The following DLG2 variants were observed in gnomAD, a reference collection of about 807,000 sequenced individuals.
DLG2 encodes the protein disks large homolog 2.
Under a neutral mutation model 132.5 loss-of-function variants are expected in DLG2, and 45 were observed. The ratio of observed to expected loss-of-function variants is 0.34; its 90% confidence interval spans 0.27 to 0.44. DLG2 has a LOEUF of 0.44. Ranked by LOEUF, DLG2 falls within the 20% of genes least tolerant of loss-of-function variation. DLG2 has a pLI of 1.00. For missense variants in DLG2, 1,045 were observed against 1,196.9 expected (o/e 0.87, Z 1.87); for synonymous variants, 424 against 419.6 (o/e 1.01, Z -0.13).
At chr11:84,983,354 G>C (rs2056036393) in intron 6 of DLG2, among the ~76,000 whole-genome samples, 1 of 152,094 alleles carries the variant, frequency 6.6e-6, no homozygotes, top group African/African-American at 2.4e-5. Flanking sequence ...CCAGAGCCTG[G>C]TAGACTTGCT....
At chr11:84,317,151 A>C in intron 7 of DLG2, 1 of 1,603,250 alleles carries the variant, frequency 6.2e-7, no homozygotes, top group Non-Finnish European at 8.5e-7. Context: ...TTCATACTGC[A>C]CTGATGCCTA....
In DLG2 at chr11:83,734,397, TTCCTTCCTTCCC is replaced by T. The variant is rs2091577796; in HGVS notation, c.1825+52281_1825+52292del. Among the ~76,000 whole-genome samples, 5 of 83,336 alleles carry T rather than the reference TTCCTTCCTTCCC, an allele frequency of 6.0e-5. No individual in the cohort carries two copies. In the South Asian group the frequency reaches 1.2e-3, roughly 21 times the overall value. The allele number at this position is 83,336 out of a possible 152,430, so 54.7% of individuals were successfully genotyped here. ...CTTCCTTCCTTCCTTCCTTCCTTCC[TTCCTTCCTTCCC>T]TCCCTCCTTCCCTCCCTCCTTCCTT... On this transcript the variant is annotated intron_variant, in intron 18 of 27. Transcript: ENST00000376104.
chr11:84,112,244 C>T (rs2093390622), intron 9 of DLG2, among the ~76,000 whole-genome samples: 1 of 151,742 alleles, frequency 6.6e-6, no homozygotes, highest in South Asian at 2.1e-4. Flanking sequence ...GTGATCCACC[C>T]GCCTCGGCCT....
intron 9 of DLG2, among the ~76,000 whole-genome samples, chr11:84,157,436 AT>A (rs1439737533): frequency 2.6e-5 from 4 of 152,122 alleles, no homozygotes; most frequent in Non-Finnish European, 5.9e-5. Flanking sequence ...TTTTAAAAAA[AT>A]TTTATTTTTT....
chr11:85,467,951 T>A (rs2092850525), intron 3 of DLG2, among the ~76,000 whole-genome samples: 1 of 152,180 alleles, frequency 6.6e-6, no homozygotes, highest in Non-Finnish European at 1.5e-5. Flanking sequence ...GGACTTTTTT[T>A]GGTTGGTAGG....
intron 11 of DLG2, among the ~76,000 whole-genome samples, chr11:84,046,760 T>C (rs2096250388): frequency 6.6e-6 from 1 of 151,636 alleles, no homozygotes; most frequent in African/African-American, 2.4e-5. Context: ...CCCATAGAAT[T>C]TTCCATGTTT....
intron 8 of DLG2, among the ~76,000 whole-genome samples, chr11:84,228,435 G>C (rs866185706): frequency 1.3e-5 from 2 of 152,158 alleles, no homozygotes; most frequent in African/African-American, 2.4e-5. Flanking sequence ...ACTTTAATCA[G>C]AATTTTACTC....
chr11:84,817,201 C>T (rs776761308), intron 6 of DLG2, among the ~76,000 whole-genome samples: 2 of 152,116 alleles, frequency 1.3e-5, no homozygotes, highest in African/African-American at 2.4e-5. Context: ...TTACATTGTG[C>T]AGGAACCATT....
chr11:83,467,162 A>T (rs1171592012), intron 25 of DLG2, among the ~76,000 whole-genome samples: 1 of 152,178 alleles, frequency 6.6e-6, no homozygotes, highest in Non-Finnish European at 1.5e-5. Flanking sequence ...CCATCTCTGA[A>T]CACAATTGTC....
At chr11:84,068,136 A>G (rs1447128799) in intron 10 of DLG2, among the ~76,000 whole-genome samples, 1 of 152,238 alleles carries the variant, frequency 6.6e-6, no homozygotes, top group East Asian at 1.9e-4. Flanking sequence ...TCAAAAGACT[A>G]TCTCCAAAAA....
chr11:84,138,146 C>T (rs2094683085), intron 9 of DLG2, among the ~76,000 whole-genome samples: 1 of 152,138 alleles, frequency 6.6e-6, no homozygotes, highest in South Asian at 2.1e-4. Context: ...TGTATGCAAT[C>T]TTATACTAGT....
chr11:84,332,825 G>A (rs1438688036), intron 7 of DLG2, among the ~76,000 whole-genome samples: 3 of 152,180 alleles, frequency 2.0e-5, no homozygotes, highest in African/African-American at 7.2e-5. Flanking sequence ...GGACCTTGAT[G>A]CAATGCCCAT....
At position 84,276,527 on chromosome 11, in the gene DLG2, T is replaced by C. The variant is rs191194712; in HGVS notation, c.520-25236A>G. ...GAACACAAAGATAAATGTAATATTA[T>C]GTCAATCCTCTGTTTCTTTTCTACT... is the stretch of plus-strand genomic sequence containing the variant. On this transcript the variant is annotated intron_variant, in intron 7 of 27. Coordinates refer to ENST00000376104, the MANE Select transcript of DLG2 (RefSeq NM_001142699.3). 1.7e-4 allele frequency among the ~76,000 whole-genome samples: 26 copies of C among 152,356 alleles called. No homozygotes were observed. In the East Asian group the frequency reaches 4.8e-3, roughly 28 times the overall value.
At chr11:84,388,271 C>A (rs981023508) in intron 7 of DLG2, among the ~76,000 whole-genome samples, 1 of 152,204 alleles carries the variant, frequency 6.6e-6, no homozygotes, top group South Asian at 2.1e-4. Context: ...GATCCTATTG[C>A]GTGATCTAAA....
chr11:84,746,384 A>T (rs1231288701), intron 6 of DLG2, among the ~76,000 whole-genome samples: 1 of 152,126 alleles, frequency 6.6e-6, no homozygotes. Context: ...TTACATTTGA[A>T]ATTAGCAATG....
At chr11:84,114,827 A>AT (rs11376031) in intron 9 of DLG2, among the ~76,000 whole-genome samples, 93,393 of 140,182 alleles carry the variant, frequency 0.67, 31,787 homozygotes, top group Middle Eastern at 0.8. Context: ...AAGCCTGGCT[A>AT]TTTTTTTTTT....
At chr11:84,600,290 A>G (rs1350139217) in intron 6 of DLG2, among the ~76,000 whole-genome samples, 2 of 152,104 alleles carry the variant, frequency 1.3e-5, no homozygotes, top group African/African-American at 2.4e-5. Flanking sequence ...CACAGGGAGG[A>G]GTATGAATGT....
rs1256123766 is a variant in DLG2 at position 83,459,138 on chromosome 11, C to G, written c.*680G>C. On this transcript the variant is annotated 3_prime_UTR_variant, in exon 28 of 28. Coordinates refer to ENST00000376104, the MANE Select transcript of DLG2 (RefSeq NM_001142699.3). ...AAATTATTCTCATCTTTAGTGCCTT[C>G]TTTCAGTTTATAAATGGCAAAATAG... The G allele has an allele frequency of 2.0e-5, 3 of 152,544 alleles. No individual in the cohort carries two copies. Among genetic ancestry groups the G allele is most frequent in the African/African-American group, 7.2e-5 (3 of 41,426 alleles). The allele number at this position is 152,544 out of a possible 1,614,324, so 9.4% of individuals were successfully genotyped here.
At chr11:83,868,186 A>T (rs2154058697) in intron 16 of DLG2, among the ~76,000 whole-genome samples, 1 of 152,260 alleles carries the variant, frequency 6.6e-6, no homozygotes. Flanking sequence ...CCACCCAGGG[A>T]TGGAAGGAAG....
Sources: allele counts gnomAD v4.1 joint callset (sites outside exome capture counted in the v4.1 genomes callset), GRCh38; gene constraint gnomAD v4.1.1; transcripts MANE v1.5; gene names NCBI Gene and HGNC (gene_info 2026-07-23, HGNC 2026-07-21).